STARD13: variants seen among roughly 807,000 people sequenced by gnomAD.
STARD13 encodes StAR related lipid transfer domain containing 13.
Under a neutral mutation model 106.4 loss-of-function variants are expected in STARD13, and 62 were observed. That is an observed-to-expected ratio of 0.58 (90% CI 0.48 to 0.72). The LOEUF is 0.72. Ranked by LOEUF, STARD13 falls within the 30% of genes least tolerant of loss-of-function variation. The probability of loss-of-function intolerance (pLI) is 0.00; values close to 1 mark genes in which losing one functional copy is unlikely to be tolerated. For synonymous variants in STARD13, 565 were observed against 553.0 expected (o/e 1.02, Z -0.31); for missense variants, 1,387 against 1,424.0 (o/e 0.97, Z 0.42).
At chr13:33,203,596 C>T (rs1477399480) in intron 1 of STARD13, among the ~76,000 whole-genome samples, 1 of 151,990 alleles carries the variant, frequency 6.6e-6, no homozygotes, top group Non-Finnish European at 1.5e-5. Context: ...CCAATTTTAG[C>T]CCTATTTTTT....
the STARD13 span, among the ~76,000 whole-genome samples, chr13:33,628,597 C>A: frequency 6.6e-6 from 1 of 152,164 alleles, no homozygotes; most frequent in South Asian, 2.1e-4. Flanking sequence ...GAAATCAAAT[C>A]TCTTTGAAGG....
intron 1 of STARD13, among the ~76,000 whole-genome samples, chr13:33,232,448 T>C (rs1486464681): frequency 1.3e-5 from 2 of 152,206 alleles, no homozygotes; most frequent in African/African-American, 2.4e-5. Flanking sequence ...GACTCACAAG[T>C]GGGGAAGAAC....
intron 1 of STARD13, among the ~76,000 whole-genome samples, chr13:33,337,792 T>C (rs964782648): frequency 2.6e-5 from 4 of 152,228 alleles, no homozygotes; most frequent in African/African-American, 9.6e-5. Context: ...AGGAACTGGC[T>C]TCCCCTGAGT....
chr13:33,652,999 A>G, the STARD13 span, among the ~76,000 whole-genome samples: 2 of 152,232 alleles, frequency 1.3e-5, no homozygotes, highest in African/African-American at 4.8e-5. Context: ...TGGAAAAACT[A>G]TAAAACATCA....
chr13:33,431,365 T>C, the STARD13 span, among the ~76,000 whole-genome samples: 1 of 152,196 alleles, frequency 6.6e-6, no homozygotes, highest in African/African-American at 2.4e-5. Context: ...AATGATATTT[T>C]AGAGATACTG....
At chr13:33,286,262 T>C (rs1409150642), upstream of STARD13, among the ~76,000 whole-genome samples, 1 of 151,992 alleles carries the variant, frequency 6.6e-6, no homozygotes, top group Non-Finnish European at 1.5e-5. Flanking sequence ...ACTTTTCCAG[T>C]GAAAAATAAA....
chr13:33,648,783 CTTTTTTTTTTTT>C, the STARD13 span, among the ~76,000 whole-genome samples: 8 of 76,988 alleles, frequency 1.0e-4, no homozygotes, highest in East Asian at 4.1e-4. Context: ...TTTTCTCTTT[CTTTTTTTTTTTT>C]TTTTTTTTTT....
the STARD13 span, among the ~76,000 whole-genome samples, chr13:33,417,061 G>A: frequency 3.3e-5 from 5 of 152,118 alleles, no homozygotes; most frequent in African/African-American, 1.2e-4. Flanking sequence ...CCATAAAGGA[G>A]GAATTGAACA....
the STARD13 span, among the ~76,000 whole-genome samples, chr13:33,462,181 T>C: frequency 3.3e-5 from 5 of 152,366 alleles, no homozygotes; most frequent in African/African-American, 1.2e-4. Flanking sequence ...TCTGTCTTCC[T>C]GGGAATGAAG....
At chr13:33,107,777 T>A (rs1593844575) in intron 12 of STARD13, among the ~76,000 whole-genome samples, 1 of 151,914 alleles carries the variant, frequency 6.6e-6, no homozygotes, top group African/African-American at 2.4e-5. Context: ...TGAAAAAAGG[T>A]TGTGGATGGG....
At chr13:33,316,351 G>C (rs560241945) in intron 1 of STARD13, among the ~76,000 whole-genome samples, 1 of 152,150 alleles carries the variant, frequency 6.6e-6, no homozygotes, top group African/African-American at 2.4e-5. Flanking sequence ...TGGTTACAAA[G>C]CCTATGGATT....
the STARD13 span, among the ~76,000 whole-genome samples, chr13:33,412,734 A>G: frequency 6.6e-6 from 1 of 152,342 alleles, no homozygotes; most frequent in South Asian, 2.1e-4. Context: ...GACACTATGT[A>G]AAAGGGTAAA....
upstream of STARD13, chr13:33,350,695 C>T (rs969581628): frequency 9.7e-6 from 11 of 1,131,748 alleles, no homozygotes; most frequent in South Asian, 2.9e-5. Flanking sequence ...TCCTCCCCTC[C>T]GTTGGGCGCT....
intron 1 of STARD13, among the ~76,000 whole-genome samples, chr13:33,203,761 T>C (rs17764707): frequency 0.066 from 10,068 of 152,276 alleles, 478 homozygotes; most frequent in Middle Eastern, 0.1. Flanking sequence ...CATAAGATTA[T>C]AGAATTTTGT....
the STARD13 span, among the ~76,000 whole-genome samples, chr13:33,646,045 G>A: frequency 2.6e-5 from 4 of 152,108 alleles, no homozygotes; most frequent in South Asian, 2.1e-4. Flanking sequence ...TTTTTAACAC[G>A]GACAAAAAGC....
At chr13:33,114,717 A>AT (rs1474103405) in intron 8 of STARD13, among the ~76,000 whole-genome samples, 1 of 151,492 alleles carries the variant, frequency 6.6e-6, no homozygotes, top group African/African-American at 2.4e-5. Context: ...CCATGCCAAC[A>AT]TTTTTTCCCA....
chr13:33,676,328 C>CCTGCA, the STARD13 span, among the ~76,000 whole-genome samples: 1 of 152,178 alleles, frequency 6.6e-6, no homozygotes, highest in African/African-American at 2.4e-5. Context: ...TGCACCCAGA[C>CCTGCA]CCCCTTTCAA....
chr13:33,390,697 C>A, the STARD13 span, among the ~76,000 whole-genome samples: 1 of 152,170 alleles, frequency 6.6e-6, no homozygotes, highest in East Asian at 1.9e-4. Flanking sequence ...AGAGCGAGCT[C>A]CCATTCTAGC....
chr13:33,519,208 T>TCTTCTTTCTTTCTTTCTTTC, the STARD13 span, among the ~76,000 whole-genome samples: 1 of 101,590 alleles, frequency 9.8e-6, no homozygotes, highest in South Asian at 3.3e-4. Context: ...CTTGGTAATT[T>TCTTCTTTCTTTCTTTCTTTC]TTTCTTTCTT....
Sources: allele counts gnomAD v4.1 joint callset (sites outside exome capture counted in the v4.1 genomes callset), GRCh38; gene constraint gnomAD v4.1.1; transcripts MANE v1.5; gene names NCBI Gene and HGNC (gene_info 2026-07-23, HGNC 2026-07-21).